Variants in ARHGEF10 observed in about 807,000 individuals in gnomAD.
The protein encoded by ARHGEF10 is Rho guanine nucleotide exchange factor 10, also known as Rho guanine nucleotide exchange factor (GEF) 10.
In ARHGEF10, 140 loss-of-function variants were observed where a neutral mutation model predicts 147.4. The observed-to-expected ratio is 0.95, with a 90% CI of 0.83 to 1.09. The LOEUF is 1.09. Among genes scored for constraint, ARHGEF10 ranks in the 50% least tolerant of loss-of-function variants. ARHGEF10 has a pLI of 0.00. For missense variants in ARHGEF10, 2,222 were observed against 1,752.7 expected (o/e 1.27, Z -4.78); for synonymous variants, 902 against 695.8 (o/e 1.30, Z -4.67).
chr8:1,952,328 C>T (rs1211689779), intron 27 of ARHGEF10, among the ~76,000 whole-genome samples: 5 of 152,200 alleles, frequency 3.3e-5, no homozygotes, highest in Non-Finnish European at 5.9e-5. Context: ...AACCACAGGC[C>T]GCTGTGTATG....
intron 6 of ARHGEF10, among the ~76,000 whole-genome samples, chr8:1,867,545 T>C (rs1015520382): frequency 6.6e-5 from 10 of 152,308 alleles, no homozygotes; most frequent in African/African-American, 2.2e-4. Context: ...CGAGCGCATT[T>C]CCAACACGCG....
intron 4 of ARHGEF10, among the ~76,000 whole-genome samples, chr8:1,861,939 T>C (rs887122248): frequency 6.6e-6 from 1 of 152,282 alleles, no homozygotes; most frequent in African/African-American, 2.4e-5. Flanking sequence ...TAATTTATTT[T>C]TAAAATAACT....
intron 1 of ARHGEF10, among the ~76,000 whole-genome samples, chr8:1,833,457 C>T (rs904194952): frequency 3.3e-5 from 5 of 151,956 alleles, no homozygotes; most frequent in South Asian, 2.1e-4. Flanking sequence ...GAGACAGGGG[C>T]AGAGGCAGGG....
rs867021400 is a variant in ARHGEF10, at chr8:1,841,902, G to T, written c.-47-1451G>T. 3.7e-3 allele frequency among the ~76,000 whole-genome samples: 361 copies of T among 96,400 alleles called. 2 individuals carry two copies. The highest frequency in any genetic ancestry group is 0.016 in the African/African-American group (305 of 19,584). The allele number at this position is 96,400 out of a possible 152,430, so 63.2% of individuals were successfully genotyped here. On this transcript the variant is annotated intron_variant, in intron 1 of 28. Coordinates refer to ENST00000349830, the MANE Select transcript of ARHGEF10 (RefSeq NM_014629.4). Reference sequence around the variant, plus strand: ...AACTGGGGCCGCGGCGGGAACTGGGGCCGCGGCGGGAACTGGGGCCGCGGC... The same window carrying T: ...AACTGGGGCCGCGGCGGGAACTGGGTCCGCGGCGGGAACTGGGGCCGCGGC...
Position 1,923,044 on chromosome 8 carries a change from A to G in ARHGEF10, c.2224A>G (p.Thr742Ala). Residue 742 changes from threonine to alanine, a missense_variant, in exon 19 of 29, where the codon ACT (threonine) becomes GCT (alanine). Thr to Ala is a moderately conservative substitution (Grantham distance 58, BLOSUM62 0). Coordinates refer to ENST00000349830, the MANE Select transcript of ARHGEF10 (RefSeq NM_014629.4). ...TGACTTAAATGTAATTGGCCAAATC[A>G]CTCAGCTGATAGGAAACCTTAAAGG... ...LHDLNVIGQI[T>A]QLIGNLKGNY... is the part of the protein sequence containing the mutation. 1.2e-6 allele frequency: 2 copies of G among 1,613,322 alleles called. No homozygotes were observed. The highest frequency in any genetic ancestry group is 1.7e-6 in the Non-Finnish European group (2 of 1,179,634).
At chr8:1,845,481 AGTT>A (rs1804485813) in intron 2 of ARHGEF10, among the ~76,000 whole-genome samples, 3 of 152,234 alleles carry the variant, frequency 2.0e-5, no homozygotes, top group African/African-American at 7.2e-5. Flanking sequence ...AGGCGGGTAC[AGTT>A]GTTGGGGAAA....
intron 18 of ARHGEF10, among the ~76,000 whole-genome samples, chr8:1,911,122 G>GT (rs1260725898): frequency 1.3e-5 from 2 of 152,186 alleles, no homozygotes; most frequent in African/African-American, 4.8e-5. Flanking sequence ...GAAACACTGA[G>GT]TATGGACAAG....
intron 11 of ARHGEF10, among the ~76,000 whole-genome samples, chr8:1,890,492 G>T (rs1419096403): frequency 8.0e-5 from 12 of 150,746 alleles, no homozygotes; most frequent in Non-Finnish European, 1.6e-4. Flanking sequence ...GTGGGGTGAG[G>T]GTTGTGAGGA....
intron 3 of ARHGEF10, 114 bp from the exon 4 acceptor site, chr8:1,859,783 C>G: frequency 7.5e-7 from 1 of 1,333,950 alleles, no homozygotes; most frequent in Non-Finnish European, 1.1e-6. Context: ...TCTAGGGGTC[C>G]TGGCATGGGA....
At chr8:1,923,743 A>G in intron 20 of ARHGEF10, 31 bp from the exon 21 acceptor site, 1 of 1,614,078 alleles carries the variant, frequency 6.2e-7, no homozygotes, top group Non-Finnish European at 8.5e-7. Flanking sequence ...CACGTTTTAT[A>G]AAATGAATGC....
intron 7 of ARHGEF10, among the ~76,000 whole-genome samples, chr8:1,873,608 T>C (rs57248615): frequency 1.5e-3 from 102 of 67,110 alleles, no homozygotes; most frequent in African/African-American, 6.4e-3. Context: ...CCTTGAGAGG[T>C]GCCCGCGGGG....
chr8:1,883,979 G>A (rs1179761681), intron 10 of ARHGEF10, among the ~76,000 whole-genome samples: 4 of 152,160 alleles, frequency 2.6e-5, no homozygotes, highest in East Asian at 1.9e-4. Context: ...AGAGTCCCCC[G>A]GGACTGGGTG....
At chr8:1,919,873 T>C (rs1215361577) in intron 18 of ARHGEF10, among the ~76,000 whole-genome samples, 1 of 145,936 alleles carries the variant, frequency 6.9e-6, no homozygotes, top group Non-Finnish European at 1.5e-5. Flanking sequence ...GGAGCTGCTC[T>C]GTGGGTGATG....
intron 11 of ARHGEF10, among the ~76,000 whole-genome samples, chr8:1,887,431 G>A (rs1271742930): frequency 6.8e-6 from 1 of 147,528 alleles, no homozygotes; most frequent in Non-Finnish European, 1.5e-5. Context: ...TGGGGTGTGA[G>A]GGGTCTGTGA....
chr8:1,906,217 C>G (rs1431859478), intron 17 of ARHGEF10, among the ~76,000 whole-genome samples: 3 of 152,142 alleles, frequency 2.0e-5, no homozygotes, highest in African/African-American at 2.4e-5. Context: ...ATGTGAGAAA[C>G]TAAAAGGTCT....
Position 1,945,471 on chromosome 8 carries a change from G to T in ARHGEF10, c.3223-10G>T. ...ACGGGGCTAGCAGACTTGACCTCTC[G>T]ATTTCACAGGGTCAGCTGGAGGCCC... is the stretch of plus-strand genomic sequence containing the variant. On this transcript the variant is annotated splice_polypyrimidine_tract_variant and intron_variant, in intron 26 of 28. Transcript: ENST00000349830. 2 of 1,583,824 alleles carry T rather than the reference G, an allele frequency of 1.3e-6. No homozygotes were observed. The highest frequency in any genetic ancestry group is 2.7e-5 in the African/African-American group (2 of 74,120).
chr8:1,860,627 T>C (rs1009953028), intron 4 of ARHGEF10, among the ~76,000 whole-genome samples: 1 of 152,150 alleles, frequency 6.6e-6, no homozygotes, highest in Non-Finnish European at 1.5e-5. Context: ...CCAGGGTGTA[T>C]GGTTTGGAAA....
chr8:1,938,111 C>T (rs545743109), intron 26 of ARHGEF10, among the ~76,000 whole-genome samples: 54 of 152,288 alleles, frequency 3.5e-4, no homozygotes, highest in Admixed American at 1.6e-3. Flanking sequence ...GCTGAGCTGC[C>T]GCACGGTGCC....
In ARHGEF10 at chr8:1,881,802, G is replaced by C. The variant is rs112766947; in HGVS notation, c.961-833G>C. On this transcript the variant is annotated intron_variant, in intron 9 of 28. Coordinates refer to ENST00000349830, the MANE Select transcript of ARHGEF10 (RefSeq NM_014629.4). ...GGTGTGACCCAGATGAGGAGAGCCT[G>C]GTTCTCAGCTGCACTGCTGGTCCCT... is the stretch of plus-strand genomic sequence containing the variant. Among the ~76,000 whole-genome samples the C allele has an allele frequency of 3.5e-3, 536 of 152,324 alleles. 2 individuals are homozygous for C. Among genetic ancestry groups the C allele is most frequent in the African/African-American group, 0.012 (490 of 41,566 alleles).
Sources: allele counts gnomAD v4.1 joint callset (sites outside exome capture counted in the v4.1 genomes callset), GRCh38; gene constraint gnomAD v4.1.1; transcripts MANE v1.5; gene names NCBI Gene and HGNC (gene_info 2026-07-23, HGNC 2026-07-21).